BRWD1: variants seen among roughly 807,000 people sequenced by gnomAD.
BRWD1 encodes the protein bromodomain and WD repeat domain containing 1, also known as bromodomain and WD repeat-containing protein 1.
A neutral mutation model predicts 251.2 loss-of-function variants in BRWD1; 82 were observed. The ratio of observed to expected loss-of-function variants is 0.33; its 90% CI spans 0.27 to 0.39. The LOEUF (loss-of-function observed/expected upper bound fraction) is 0.39, where lower values mean the gene tolerates loss of function less well. Ranked by LOEUF, BRWD1 falls within the 10% of genes least tolerant of loss-of-function variation. The probability of loss-of-function intolerance (pLI) is 1.00; values close to 1 mark genes in which losing one functional copy is unlikely to be tolerated. For missense variants in BRWD1, 2,233 were observed against 2,711.6 expected, an observed-to-expected ratio of 0.82 and a Z score of 3.92; for synonymous variants, 918 against 902.8, an observed-to-expected ratio of 1.02 and a Z score of -0.30.
upstream of BRWD1, among the ~76,000 whole-genome samples, chr21:39,318,729 C>T (rs8129595): frequency 0.49 from 74,942 of 151,898 alleles, 18,729 homozygotes; most frequent in Admixed American, 0.54. Flanking sequence ...ACTGCAGCCT[C>T]GCAGTCCTAC....
rs561876518 is a variant in BRWD1 at position 39,194,608 on chromosome 21, A to G, written c.*1651T>C. On this transcript the variant is annotated 3_prime_UTR_variant, in exon 41 of 41. Coordinates refer to ENST00000342449, the MANE Select transcript of BRWD1 (RefSeq NM_033656.4). Reference sequence around the variant, plus strand: ...AACATCCTTCCCCATGCATCAGAGTAGAAAGAAAATGTACCTTCTACTATG... The same window carrying G: ...AACATCCTTCCCCATGCATCAGAGTGGAAAGAAAATGTACCTTCTACTATG... 6.0e-6 allele frequency: 9 copies of G among 1,510,886 alleles called. No homozygotes were observed. The highest frequency in any genetic ancestry group is 7.1e-6 in the Non-Finnish European group (8 of 1,133,972). The allele number at this position is 1,510,886 out of a possible 1,614,324, so 93.6% of individuals were successfully genotyped here.
At chr21:39,211,298 C>G (rs60835204) in intron 34 of BRWD1, among the ~76,000 whole-genome samples, 3,631 of 152,232 alleles carry the variant, frequency 0.024, 147 homozygotes, top group African/African-American at 0.084. Context: ...ATGTCCACAT[C>G]ATAATCCTCA....
intron 37 of BRWD1, 81 bp from the exon 38 acceptor site, chr21:39,202,626 G>C (rs2150411): frequency 6.8e-6 from 6 of 886,434 alleles, no homozygotes; most frequent in Non-Finnish European, 1.0e-5. Context: ...CTAAATAGAA[G>C]TATATCATAT....
At position 39,193,808 on chromosome 21, in the gene BRWD1, T is replaced by A; in HGVS notation, c.*2451A>T. On this transcript the variant is annotated 3_prime_UTR_variant, in exon 41 of 41. Coordinates refer to ENST00000342449, the MANE Select transcript of BRWD1 (RefSeq NM_033656.4). ...TAACGTAGAAAAAAAAGGCCAAACA[T>A]GTTCTAGTGCTCAATGTAAACATTT... 2 of 985,558 alleles carry A rather than the reference T, an allele frequency of 2.0e-6. No homozygotes were observed. The highest frequency in any genetic ancestry group is 2.4e-6 in the Non-Finnish European group (2 of 829,690). 61.1% of individuals were successfully genotyped at this position (985,558 alleles called of 1,614,324 possible).
At chr21:39,215,409 G>A (rs746306248) in intron 31 of BRWD1, 47 bp from the exon 32 acceptor site, 2 of 1,528,928 alleles carry the variant, frequency 1.3e-6, no homozygotes, top group South Asian at 2.4e-5. Flanking sequence ...TGAGAAGATA[G>A]AAACCAAGTG....
Position 39,190,043 on chromosome 21 carries a change from C to T in BRWD1, c.*6216G>A. On this transcript the variant is annotated 3_prime_UTR_variant, in exon 41 of 41. Transcript: ENST00000342449. ...GCAAGAACACATCAGTAGTGTAAAA[C>T]TGTACATCTGTAGTAGCACTCCATG... 1.0e-6 allele frequency: 1 copy of T among 985,394 alleles called. No individual in the cohort carries two copies. Among genetic ancestry groups the T allele is most frequent in the Non-Finnish European group, 1.2e-6 (1 of 829,908 alleles). 61.0% of individuals were successfully genotyped at this position (985,394 alleles called of 1,614,324 possible). A position where few individuals can be genotyped will look rare whatever the true frequency, so the allele number is the denominator to read the frequency against.
At chr21:39,268,889 G>A (rs374763015) in intron 15 of BRWD1, among the ~76,000 whole-genome samples, 93 of 152,282 alleles carry the variant, frequency 6.1e-4, no homozygotes, top group African/African-American at 2.2e-3. Context: ...TTGGGAGGCT[G>A]AGGCAGGAGA....
chr21:39,270,442 A>G lies in BRWD1; in HGVS notation c.1245-9T>C, dbSNP rs2035062087. On this transcript the variant is annotated splice_polypyrimidine_tract_variant and intron_variant, in intron 13 of 40. Transcript: ENST00000342449. Reference sequence around the variant, plus strand: ...CTTCGGAAGATAAGTCCCTAACAAAAAAATACACAACATGTAAACTTATTT... The same window carrying G: ...CTTCGGAAGATAAGTCCCTAACAAAGAAATACACAACATGTAAACTTATTT... 1 of 1,594,920 alleles carries G rather than the reference A, an allele frequency of 6.3e-7. No homozygotes were observed. Among genetic ancestry groups the G allele is most frequent in the African/African-American group, 1.3e-5 (1 of 74,292 alleles).
chr21:39,207,451 A>AACACACACACACACAC (rs58765400), intron 36 of BRWD1, among the ~76,000 whole-genome samples: 4,069 of 131,188 alleles, frequency 0.031, 99 homozygotes, highest in African/African-American at 0.056. Flanking sequence ...AAAAAAAGAA[A>AACACACACACACACAC]ACACACACAC....
Position 39,307,261 on chromosome 21 carries a change from T to C in BRWD1, c.198+5580A>G, listed in dbSNP as rs569947324. Among the ~76,000 whole-genome samples, 4 of 152,298 alleles carry C rather than the reference T, an allele frequency of 2.6e-5. No homozygotes were observed. The South Asian group carries it at 8.3e-4, about 32-fold the overall frequency. ...GAAGCGTACAGTTATTTTAATCACC[T>C]CAGCAGGGTTAACTTAGACAAACCT... On this transcript the variant is annotated intron_variant, in intron 4 of 40. Coordinates refer to ENST00000342449, the MANE Select transcript of BRWD1 (RefSeq NM_033656.4).
Position 39,208,421 on chromosome 21 carries a change from C to T in BRWD1, c.4197+1574G>A, listed in dbSNP as rs895301174. 2.0e-5 allele frequency among the ~76,000 whole-genome samples: 3 copies of T among 152,166 alleles called. No homozygotes were observed. The East Asian group carries it at 5.8e-4, about 29-fold the overall frequency. ...CAAATTGAGACCAGAGGCAGTAATG[C>T]AGGAGGAGTCTAATATTAAGTAATG... On this transcript the variant is annotated intron_variant, in intron 36 of 40. Transcript: ENST00000342449.
At chr21:39,289,738 A>C (rs1601471048) in intron 8 of BRWD1, among the ~76,000 whole-genome samples, 2 of 152,232 alleles carry the variant, frequency 1.3e-5, no homozygotes, top group East Asian at 1.9e-4. Context: ...AGAAGCTAGC[A>C]ATCAGGCCGG....
chr21:39,256,147 A>C (rs1248023902), intron 18 of BRWD1, among the ~76,000 whole-genome samples: 1 of 152,230 alleles, frequency 6.6e-6, no homozygotes, highest in Non-Finnish European at 1.5e-5. Flanking sequence ...ACTAAGATCA[A>C]AATGTAGAAT....
At chr21:39,242,091 G>A (rs975807479) in intron 21 of BRWD1, among the ~76,000 whole-genome samples, 7 of 152,100 alleles carry the variant, frequency 4.6e-5, no homozygotes, top group Non-Finnish European at 7.3e-5. Context: ...ACTTTAACTC[G>A]CAATGTAGAA....
Position 39,196,526 on chromosome 21 carries a change from C to T in BRWD1, c.6543G>A (p.Thr2181=), listed in dbSNP as rs912415763. ...TDNTKTKRRK[T]KGKAKVVRKG... is the part of the protein sequence containing the mutation. Reference sequence around the variant, plus strand: ...TTCTAACTACTTTTGCTTTTCCTTTCGTTTTCCTCCTTTTGGTTTTTGTAT... The same window carrying T: ...TTCTAACTACTTTTGCTTTTCCTTTTGTTTTCCTCCTTTTGGTTTTTGTAT... Residue 2181 remains threonine, a synonymous_variant, in exon 41 of 41, where the codon ACG becomes ACA. Transcript: ENST00000342449. The T allele has an allele frequency of 3.1e-6, 5 of 1,613,400 alleles. No homozygotes were observed. Among genetic ancestry groups the T allele is most frequent in the Admixed American group, 1.7e-5 (1 of 59,940 alleles).
At chr21:39,320,395 T>C (rs1194043379) in intron 1 of BRWD1, among the ~76,000 whole-genome samples, 1 of 152,032 alleles carries the variant, frequency 6.6e-6, no homozygotes, top group Non-Finnish European at 1.5e-5. Flanking sequence ...AGTGCAGTAG[T>C]GCAATCACGT....
Position 39,278,800 on chromosome 21 carries a change from T to C in BRWD1, c.946A>G (p.Lys316Glu). The C allele has an allele frequency of 6.3e-7, 1 of 1,594,296 alleles. No homozygotes were observed. The stretch of plus-strand genomic sequence containing the variant: ...CCTGGCCTAGGCTTTTCAGTGAACT[T>C]CAGGGGACGTGGGCTTTAAAAGAAG... ...ESLKFSPRPL[K>E]FTEKPRPGVQ... Residue 316 changes from lysine to glutamate, a missense_variant, in exon 10 of 41, where the codon AAG becomes GAG. Physicochemically the swap from Lys to Glu is moderately conservative, Grantham distance 56. Coordinates refer to ENST00000342449, the MANE Select transcript of BRWD1 (RefSeq NM_033656.4).
intron 34 of BRWD1, among the ~76,000 whole-genome samples, chr21:39,212,172 C>G (rs2032689835): frequency 6.6e-6 from 1 of 152,146 alleles, no homozygotes; most frequent in African/African-American, 2.4e-5. Flanking sequence ...ACCCTATATT[C>G]TTGGAATAAA....
Position 39,193,672 on chromosome 21 carries a change from C to A in BRWD1, c.*2587G>T. The A allele has an allele frequency of 1.0e-6, 1 of 985,490 alleles. No homozygotes were observed. The highest frequency in any genetic ancestry group is 1.2e-6 in the Non-Finnish European group (1 of 829,674). The allele number at this position is 985,490 out of a possible 1,614,324, so 61.0% of individuals were successfully genotyped here. ...CAGTGGAAAGGTACAGCACTTATTT[C>A]TGGATCAGTTCACATTCAAATTATA... On this transcript the variant is annotated 3_prime_UTR_variant, in exon 41 of 41. Transcript: ENST00000342449.
Sources: allele counts gnomAD v4.1 joint callset (sites outside exome capture counted in the v4.1 genomes callset), GRCh38; gene constraint gnomAD v4.1.1; transcripts MANE v1.5; gene names NCBI Gene and HGNC (gene_info 2026-07-23, HGNC 2026-07-21).